Variants in LAMA2 observed in about 807,000 individuals in gnomAD.
LAMA2 encodes laminin subunit alpha 2.
A neutral mutation model predicts 364.8 loss-of-function variants in LAMA2; 269 were observed. That is an observed-to-expected ratio of 0.74 (90% CI 0.67 to 0.82). The LOEUF (loss-of-function observed/expected upper bound fraction) is 0.82. LAMA2 is among the 40% of genes least tolerant of loss of function. The pLI, the probability that LAMA2 is intolerant of heterozygous loss-of-function variation, is 0.00. For synonymous variants in LAMA2, 1,379 were observed against 1,370.6 expected (o/e 1.01, Z -0.14); for missense variants, 3,807 against 3,873.2 (o/e 0.98, Z 0.45).
intron 12 of LAMA2, among the ~76,000 whole-genome samples, chr6:129,228,906 A>G (rs1784500145): frequency 6.6e-6 from 1 of 152,240 alleles, no homozygotes; most frequent in South Asian, 2.1e-4. Context: ...TTACAAAAGT[A>G]ATTTTAAGAG....
At position 129,059,815 on chromosome 6, in the gene LAMA2, A is replaced by G. The variant is rs2114795471; in HGVS notation, c.315A>G (p.Gly105=). The G allele has an allele frequency of 6.2e-7, 1 of 1,609,896 alleles. No individual in the cohort carries two copies. Among genetic ancestry groups the G allele is most frequent in the Non-Finnish European group, 8.5e-7 (1 of 1,176,182 alleles). Residue 105 remains glycine (G), a synonymous_variant, in exon 3 of 65, where the codon GGA becomes GGG. Transcript: ENST00000421865. ...QRHPITNAID[G]KNTWWQSPSI... ...ACCCGATTACAAATGCTATTGATGG[A>G]AAGAACACTTGGTGGCAGAGTCCCA...
chr6:129,403,863 A>G lies in LAMA2; in HGVS notation c.5769A>G (p.Ala1923=), dbSNP rs200582139. The G allele has an allele frequency of 1.2e-4, 195 of 1,613,898 alleles. No homozygotes were observed. The highest frequency in any genetic ancestry group is 1.5e-4 in the Non-Finnish European group (180 of 1,179,808). Reference sequence around the variant, plus strand: ...AAAACATCTCCTTCAATGCCACTGCAGCCTTCAAAGCTTACAGCAATATTA... The same window carrying G: ...AAAACATCTCCTTCAATGCCACTGCGGCCTTCAAAGCTTACAGCAATATTA... ...EAKNISFNAT[A]AFKAYSNIKD... The change falls in exon 40 of 65, where the codon GCA becomes GCG. Residue 1923 remains alanine (A), a synonymous_variant. Transcript: ENST00000421865.
At chr6:129,393,022 T>C in intron 36 of LAMA2, 23 bp from the exon 37 acceptor site, 3 of 1,601,220 alleles carry the variant, frequency 1.9e-6, no homozygotes, top group Non-Finnish European at 2.6e-6. Flanking sequence ...CATTGTCTAT[T>C]ATTGGGCTGG....
Position 129,393,129 on chromosome 6 carries a change from G to T in LAMA2, c.5319G>T (p.Arg1773=), listed in dbSNP as rs201309072. The change falls in exon 37 of 65, where the codon CGG becomes CGT. Residue 1773 remains arginine (R), a synonymous_variant. Coordinates refer to ENST00000421865, the MANE Select transcript of LAMA2 (RefSeq NM_000426.4). ...GENEEMEKDL[R]EKLADYKNKV... ...ATGAAGAAATGGAGAAGGATCTCCG[G>T]GAAAAACTGGCTGACTACAAAAACA... The T allele has an allele frequency of 5.6e-6, 9 of 1,613,924 alleles. No homozygotes were observed. Among genetic ancestry groups the T allele is most frequent in the Admixed American group, 1.7e-5 (1 of 59,998 alleles).
chr6:129,014,753 T>C (rs1676368119), intron 1 of LAMA2, among the ~76,000 whole-genome samples: 1 of 152,074 alleles, frequency 6.6e-6, no homozygotes, highest in African/African-American at 2.4e-5. Flanking sequence ...TATTCAAACC[T>C]CAGCTCCCCC....
chr6:129,419,379 C>T (rs995789123), intron 40 of LAMA2, among the ~76,000 whole-genome samples: 2 of 152,088 alleles, frequency 1.3e-5, no homozygotes, highest in African/African-American at 4.8e-5. Flanking sequence ...TGGACATTAA[C>T]TAGAGGGAAA....
At chr6:129,130,395 C>T (rs1466614804) in intron 4 of LAMA2, among the ~76,000 whole-genome samples, 1 of 152,188 alleles carries the variant, frequency 6.6e-6, no homozygotes, top group Non-Finnish European at 1.5e-5. Flanking sequence ...GCTGATTGGG[C>T]TGCCTGTAAA....
intron 40 of LAMA2, among the ~76,000 whole-genome samples, chr6:129,409,572 A>G (rs4305743): frequency 0.5 from 76,261 of 152,058 alleles, 19,624 homozygotes; most frequent in African/African-American, 0.62. Flanking sequence ...ACAGTCAAAC[A>G]TTCAGTTTCT....
intron 52 of LAMA2, among the ~76,000 whole-genome samples, chr6:129,473,567 T>C (rs755949988): frequency 1.1e-4 from 17 of 151,860 alleles, no homozygotes; most frequent in Non-Finnish European, 1.9e-4. Context: ...TGGATTGGAG[T>C]CGCTGTTTCC....
chr6:129,016,625 G>A (rs553166055), intron 1 of LAMA2, among the ~76,000 whole-genome samples: 4 of 151,966 alleles, frequency 2.6e-5, no homozygotes, highest in South Asian at 2.1e-4. Flanking sequence ...TTCAAAAATA[G>A]ATGCAATTCA....
intron 23 of LAMA2, among the ~76,000 whole-genome samples, chr6:129,313,896 G>A (rs142756443): frequency 2.6e-5 from 4 of 152,168 alleles, no homozygotes; most frequent in East Asian, 3.9e-4. Context: ...CTTATATCTC[G>A]CAATTATGAT....
intron 58 of LAMA2, 79 bp from the exon 59 acceptor site, chr6:129,502,580 A>G (rs1319739153): frequency 1.1e-6 from 1 of 900,692 alleles, no homozygotes; most frequent in Non-Finnish European, 1.9e-6. Flanking sequence ...CTAATATGTA[A>G]GAAACAATTA....
At chr6:129,355,601 G>A (rs767377577) in intron 32 of LAMA2, among the ~76,000 whole-genome samples, 1 of 152,124 alleles carries the variant, frequency 6.6e-6, no homozygotes, top group African/African-American at 2.4e-5. Flanking sequence ...CATAAGGCCT[G>A]GGGGTGAGAG....
chr6:129,238,787 G>A (rs972431112), intron 12 of LAMA2, among the ~76,000 whole-genome samples: 1 of 152,066 alleles, frequency 6.6e-6, no homozygotes, highest in African/African-American at 2.4e-5. Flanking sequence ...AATTTCCGGA[G>A]ATTAAATGAG....
chr6:129,242,274 G>A (rs1785440995), intron 12 of LAMA2, among the ~76,000 whole-genome samples: 1 of 152,060 alleles, frequency 6.6e-6, no homozygotes, highest in African/African-American at 2.4e-5. Flanking sequence ...GTAAGTGAAA[G>A]GTTAACTACA....
chr6:129,089,689 A>G (rs1024688409), intron 3 of LAMA2, among the ~76,000 whole-genome samples: 1 of 152,244 alleles, frequency 6.6e-6, no homozygotes, highest in Admixed American at 6.5e-5. Flanking sequence ...ATAGATGTCA[A>G]GGGTAGTGCT....
intron 1 of LAMA2, among the ~76,000 whole-genome samples, chr6:128,894,250 C>G: frequency 6.6e-6 from 1 of 152,106 alleles, no homozygotes. Flanking sequence ...TTGGAAGATA[C>G]TGATTTACTA....
intron 34 of LAMA2, among the ~76,000 whole-genome samples, chr6:129,382,397 T>A (rs575149505): frequency 2.0e-5 from 3 of 152,198 alleles, no homozygotes; most frequent in Non-Finnish European, 2.9e-5. Flanking sequence ...TTCCAGTGTG[T>A]CAAATGATAT....
At chr6:129,316,826 A>C (rs1433461724) in intron 27 of LAMA2, among the ~76,000 whole-genome samples, 2 of 152,218 alleles carry the variant, frequency 1.3e-5, no homozygotes, top group Non-Finnish European at 2.9e-5. Flanking sequence ...CATTCATGAT[A>C]CCGGTCTCAG....
Sources: allele counts gnomAD v4.1 joint callset (sites outside exome capture counted in the v4.1 genomes callset), GRCh38; gene constraint gnomAD v4.1.1; transcripts MANE v1.5; gene names NCBI Gene and HGNC (gene_info 2026-07-23, HGNC 2026-07-21).